NCOR1: variants seen among roughly 807,000 people sequenced by gnomAD.
NCOR1 encodes protein phosphatase 1, regulatory subunit 109.
NCOR1 carries 63 observed loss-of-function variants against 288.1 expected under a neutral mutation model. That is an observed-to-expected ratio of 0.22 (90% confidence interval 0.18 to 0.27). NCOR1 has a LOEUF of 0.27. NCOR1 is among the 10% of genes least tolerant of loss of function. NCOR1 has a pLI of 1.00. For synonymous variants in NCOR1, 1,007 were observed against 1,065.9 expected (o/e 0.94, Z 1.08); for missense variants, 2,397 against 3,019.2 (o/e 0.79, Z 4.83).
At chr17:16,194,720 A>T in intron 1 of NCOR1, 81 bp from the exon 2 acceptor site, 1 of 455,490 alleles carries the variant, frequency 2.2e-6, no homozygotes, top group Non-Finnish European at 3.9e-6. Flanking sequence ...CTATAGCTAC[A>T]TAAATAAAAC....
chr17:16,045,810 TA>T (rs144409401), intron 42 of NCOR1, among the ~76,000 whole-genome samples: 3 of 149,818 alleles, frequency 2.0e-5, no homozygotes, highest in African/African-American at 7.5e-5. Context: ...CCAGACAATT[TA>T]AAAAAAATTT....
intron 1 of NCOR1, among the ~76,000 whole-genome samples, chr17:16,200,152 T>C (rs1014079126): frequency 6.6e-5 from 10 of 151,838 alleles, no homozygotes; most frequent in African/African-American, 2.4e-4. Flanking sequence ...CCAAAATGTG[T>C]TATGCAAAGG....
At chr17:16,133,841 T>A (rs2076010731) in intron 14 of NCOR1, among the ~76,000 whole-genome samples, 1 of 152,200 alleles carries the variant, frequency 6.6e-6, no homozygotes, top group Non-Finnish European at 1.5e-5. Context: ...TTTCCTTGAT[T>A]ATTGTCCTTT....
rs752289900 is a variant in NCOR1 at position 16,086,330 on chromosome 17, T to C, written c.3129A>G (p.Thr1043=). ...PPPLIPSSKT[T]VASEKPSFIM... ...TAAAAGATGGTTTTTCTGAAGCCAC[T>C]GTGGTTTTGGATGACGGGATGAGAG... The change falls in exon 23 of 46, where the codon ACA becomes ACG. Residue 1043 remains threonine, a synonymous_variant. Transcript: ENST00000268712. 1 of 1,614,186 alleles carries C rather than the reference T, an allele frequency of 6.2e-7. No homozygotes were observed. The highest frequency in any genetic ancestry group is 1.7e-5 in the Admixed American group (1 of 60,032).
intron 22 of NCOR1, among the ~76,000 whole-genome samples, chr17:16,088,663 A>G (rs2064642245): frequency 6.6e-6 from 1 of 152,216 alleles, no homozygotes; most frequent in South Asian, 2.1e-4. Flanking sequence ...AGTGCTAGGC[A>G]GTGTGCATTA....
chr17:16,207,722 G>A (rs1484091461), intron 1 of NCOR1, among the ~76,000 whole-genome samples: 1 of 141,906 alleles, frequency 7.0e-6, no homozygotes, highest in Non-Finnish European at 1.5e-5. Flanking sequence ...GCCTGGGTGA[G>A]AGCGAGACTC....
intron 1 of NCOR1, among the ~76,000 whole-genome samples, chr17:16,205,290 C>A (rs1310194108): frequency 1.3e-5 from 2 of 151,738 alleles, no homozygotes; most frequent in African/African-American, 4.8e-5. Flanking sequence ...CGCAATAACC[C>A]CATCAGGAAA....
At chr17:16,162,389 T>C (rs1191541534) in intron 5 of NCOR1, among the ~76,000 whole-genome samples, 1 of 151,348 alleles carries the variant, frequency 6.6e-6, no homozygotes, top group African/African-American at 2.4e-5. Flanking sequence ...AAAAAGATAA[T>C]GGCTTGGAAT....
intron 44 of NCOR1, among the ~76,000 whole-genome samples, chr17:16,037,502 G>A (rs151230268): frequency 6.6e-6 from 1 of 151,988 alleles, no homozygotes; most frequent in Non-Finnish European, 1.5e-5. Flanking sequence ...AACAAGGTTC[G>A]TCCTCCTGCC....
At chr17:16,094,830 G>A (rs189298687) in intron 21 of NCOR1, among the ~76,000 whole-genome samples, 1 of 152,330 alleles carries the variant, frequency 6.6e-6, no homozygotes, top group African/African-American at 2.4e-5. Flanking sequence ...GCATTCTGAG[G>A]TGCCGGGATT....
intron 14 of NCOR1, among the ~76,000 whole-genome samples, chr17:16,133,748 T>C (rs2075999344): frequency 6.6e-6 from 1 of 152,230 alleles, no homozygotes; most frequent in South Asian, 2.1e-4. Flanking sequence ...TATTCAGCCA[T>C]GTCCTGATTT....
At chr17:16,069,570 A>C (rs1179461119) in intron 31 of NCOR1, among the ~76,000 whole-genome samples, 1 of 152,244 alleles carries the variant, frequency 6.6e-6, no homozygotes, top group East Asian at 1.9e-4. Flanking sequence ...TTATAGTGAC[A>C]ACAATAATAA....
chr17:16,206,654 G>C (rs572982640), intron 1 of NCOR1, among the ~76,000 whole-genome samples: 1 of 152,298 alleles, frequency 6.6e-6, no homozygotes, highest in Admixed American at 6.5e-5. Flanking sequence ...CCAAAGTACT[G>C]GGATAACAGG....
At chr17:16,108,977 A>G (rs1261496101) in intron 18 of NCOR1, 65 bp from the exon 19 acceptor site, 4 of 1,340,036 alleles carry the variant, frequency 3.0e-6, no homozygotes, top group Non-Finnish European at 4.0e-6. Context: ...CATTTCTGAA[A>G]TAATGTAGAA....
In NCOR1 at chr17:16,127,565, GTA is replaced by G. The variant is rs1365644721; in HGVS notation, c.1510-1361_1510-1360del. ...TGTATATATACACATGTGTATATAT[GTA>G]TGTATATATACATATGTGTATATAT... is the stretch of plus-strand genomic sequence containing the variant. On this transcript the variant is annotated intron_variant, in intron 14 of 45. Transcript: ENST00000268712. Among the ~76,000 whole-genome samples the G allele has an allele frequency of 3.7e-5, 5 of 135,988 alleles. No individual in the cohort carries two copies. In the East Asian group the frequency reaches 9.1e-4, roughly 25 times the overall value. The allele number at this position is 135,988 out of a possible 152,430, so 89.2% of individuals were successfully genotyped here. A position where few individuals can be genotyped will look rare whatever the true frequency, so the allele number is the denominator to read the frequency against.
chr17:16,199,083 C>T (rs1390274573), intron 1 of NCOR1, among the ~76,000 whole-genome samples: 1 of 151,358 alleles, frequency 6.6e-6, no homozygotes, highest in African/African-American at 2.4e-5. Context: ...CATTTTTTCC[C>T]TCATCTCAGT....
At chr17:16,192,615 C>CA (rs1157877926) in intron 2 of NCOR1, among the ~76,000 whole-genome samples, 2 of 152,142 alleles carry the variant, frequency 1.3e-5, no homozygotes, top group East Asian at 3.9e-4. Flanking sequence ...CAGATGGCAC[C>CA]ATAGCACTCC....
intron 4 of NCOR1, among the ~76,000 whole-genome samples, chr17:16,170,053 CATTT>C (rs1279371851): frequency 6.6e-6 from 1 of 151,604 alleles, no homozygotes; most frequent in Non-Finnish European, 1.5e-5. Flanking sequence ...AATGGACACT[CATTT>C]ATCCTTCATC....
rs1284901411 is a variant in NCOR1, at chr17:16,138,243, G to A, written c.1353-31C>T. On this transcript the variant is annotated intron_variant, in intron 12 of 45. Coordinates refer to ENST00000268712, the MANE Select transcript of NCOR1 (RefSeq NM_006311.4). Reference sequence around the variant, plus strand: ...TGAAAACGAAAACAAAAACACACTTGCGTACAAATATTTCAACAACTAAAA... The same window carrying A: ...TGAAAACGAAAACAAAAACACACTTACGTACAAATATTTCAACAACTAAAA... 5 of 1,571,926 alleles carry A rather than the reference G, an allele frequency of 3.2e-6. No individual in the cohort carries two copies. The South Asian group carries it at 3.5e-5, about 11-fold the overall frequency.
Sources: gnomAD v4.1 joint callset for allele counts (sites outside exome capture counted in the v4.1 genomes callset) on GRCh38, gnomAD v4.1.1 for gene constraint, MANE v1.5 for transcripts, NCBI Gene and HGNC (gene_info 2026-07-23, HGNC 2026-07-21) for gene names.